Variants in DOP1B observed in about 807,000 individuals in gnomAD.
The protein encoded by DOP1B is DOP1 leucine zipper like protein B.
DOP1B carries 174 observed loss-of-function variants against 233.5 expected under a neutral mutation model. The ratio of observed to expected loss-of-function variants is 0.75; its 90% confidence interval spans 0.66 to 0.85. The LOEUF is 0.85. Ranked by LOEUF, DOP1B falls within the 40% of genes least tolerant of loss-of-function variation. The probability of loss-of-function intolerance (pLI) is 0.00; values close to 1 mark genes in which losing one functional copy is unlikely to be tolerated. For synonymous variants in DOP1B, 1,190 were observed against 1,185.6 expected, an observed-to-expected ratio of 1.00 and a Z score of -0.08; for missense variants, 2,652 against 2,846.6, an observed-to-expected ratio of 0.93 and a Z score of 1.56.
chr21:36,236,842 T>G (rs2066833548), intron 15 of DOP1B, among the ~76,000 whole-genome samples: 1 of 147,722 alleles, frequency 6.8e-6, no homozygotes, highest in South Asian at 2.2e-4. Flanking sequence ...AGTTGCATGA[T>G]CTCAGGATCT....
chr21:36,243,949 C>G (rs919260565), intron 18 of DOP1B, among the ~76,000 whole-genome samples: 1 of 151,602 alleles, frequency 6.6e-6, no homozygotes, highest in African/African-American at 2.4e-5. Context: ...AAACAATCCT[C>G]CTACCTTGGT....
intron 14 of DOP1B, 62 bp downstream of exon 14, chr21:36,231,196 G>T: frequency 6.6e-7 from 1 of 1,517,238 alleles, no homozygotes; most frequent in Non-Finnish European, 8.9e-7. Flanking sequence ...ATTGACGTGG[G>T]TGGAATATCC....
intron 3 of DOP1B, among the ~76,000 whole-genome samples, chr21:36,199,995 C>T (rs1306335551): frequency 6.6e-6 from 1 of 152,112 alleles, no homozygotes; most frequent in African/African-American, 2.4e-5. Context: ...AGTTCTAGAT[C>T]CTTGAGGAAT....
chr21:36,256,251 G>A (rs2067096138), intron 23 of DOP1B, among the ~76,000 whole-genome samples: 3 of 152,004 alleles, frequency 2.0e-5, no homozygotes, highest in Admixed American at 2.0e-4. Context: ...GACCAGCCTG[G>A]GCAATGTAGG....
intron 4 of DOP1B, among the ~76,000 whole-genome samples, chr21:36,207,955 CAG>C (rs1028448865): frequency 4.5e-4 from 68 of 152,292 alleles, no homozygotes; most frequent in Admixed American, 5.9e-4. Flanking sequence ...TGGTCAGCGT[CAG>C]GGGAAAAACG....
intron 2 of DOP1B, chr21:36,169,504 T>C: frequency 2.7e-6 from 3 of 1,119,194 alleles, no homozygotes; most frequent in Non-Finnish European, 4.0e-6. Context: ...CTTTGTAGCC[T>C]TTGCCCTTGG....
rs1432687395 is a variant in DOP1B, at chr21:36,194,485, C to CT, written c.139-4584dup. 3.6e-3 allele frequency among the ~76,000 whole-genome samples: 446 copies of CT among 124,544 alleles called. 9 individuals are homozygous for CT. Among genetic ancestry groups the CT allele is most frequent in the African/African-American group, 0.01 (351 of 34,972 alleles). 81.7% of individuals were successfully genotyped at this position (124,544 alleles called of 152,430 possible). A position where few individuals can be genotyped will look rare whatever the true frequency, so the allele number is the denominator to read the frequency against. ...GCTTTTGCTGCATTTCTCTCTCTCTCTCTTTTTTTTTTTTTTTTTGAGACA... is the reference window on the plus strand; with the variant it reads ...GCTTTTGCTGCATTTCTCTCTCTCTCTTCTTTTTTTTTTTTTTTTTGAGACA... On this transcript the variant is annotated intron_variant, in intron 2 of 36. Transcript: ENST00000691173.
chr21:36,172,962 TA>T (rs1447348170), intron 2 of DOP1B, among the ~76,000 whole-genome samples: 2 of 151,476 alleles, frequency 1.3e-5, no homozygotes, highest in Admixed American at 6.6e-5. Context: ...CTATTAAAAA[TA>T]AAAAAAATTA....
At chr21:36,158,086 A>G (rs746049371) in intron 1 of DOP1B, among the ~76,000 whole-genome samples, 20 of 152,164 alleles carry the variant, frequency 1.3e-4, no homozygotes, top group Non-Finnish European at 2.1e-4. Context: ...GGTATGAGCC[A>G]CAGTGCCCAA....
Position 36,158,073 on chromosome 21 carries a change from A to G in DOP1B, c.-27+1130A>G, listed in dbSNP as rs190560724. 1.9e-3 allele frequency among the ~76,000 whole-genome samples: 291 copies of G among 152,214 alleles called. 1 individual carries two copies. Among genetic ancestry groups the G allele is most frequent in the Admixed American group, 5.0e-3 (76 of 15,278 alleles). ...CTCGGCCTCTTAAAGTGCTGGGATT[A>G]CAGGTATGAGCCACAGTGCCCAACC... On this transcript the variant is annotated intron_variant, in intron 1 of 36. Transcript: ENST00000691173.
intron 2 of DOP1B, among the ~76,000 whole-genome samples, chr21:36,185,841 T>C (rs2066159194): frequency 6.6e-6 from 1 of 152,198 alleles, no homozygotes; most frequent in African/African-American, 2.4e-5. Context: ...AGGGGCAGCA[T>C]TTGCACATGT....
chr21:36,228,633 G>C (rs2066721026), intron 13 of DOP1B, among the ~76,000 whole-genome samples: 1 of 151,892 alleles, frequency 6.6e-6, no homozygotes, highest in Admixed American at 6.6e-5. Flanking sequence ...GGGTGCAGTG[G>C]CGGGCGCCTG....
chr21:36,201,117 T>A (rs1294035564), intron 4 of DOP1B, among the ~76,000 whole-genome samples: 2 of 152,086 alleles, frequency 1.3e-5, no homozygotes, highest in Non-Finnish European at 2.9e-5. Context: ...TCACCATGTG[T>A]GGAGGGAAGA....
At chr21:36,185,610 A>C (rs1164426347) in intron 2 of DOP1B, among the ~76,000 whole-genome samples, 1 of 152,086 alleles carries the variant, frequency 6.6e-6, no homozygotes, top group Non-Finnish European at 1.5e-5. Context: ...TGAAGCCCAC[A>C]CTCCAGGGTT....
At chr21:36,278,180 G>T in intron 29 of DOP1B, 29 bp from the exon 30 acceptor site, 1 of 1,613,588 alleles carries the variant, frequency 6.2e-7, no homozygotes, top group Admixed American at 1.7e-5. Flanking sequence ...CCTTGACCTT[G>T]ACCCTTCTCT....
chr21:36,289,331 T>C, intron 35 of DOP1B, 125 bp downstream of exon 35: 1 of 995,212 alleles, frequency 1.0e-6, no homozygotes. Context: ...TAGTGACAGC[T>C]AAGCCAGCTC....
Position 36,288,096 on chromosome 21 carries a change from A to G in DOP1B, c.6243A>G (p.Leu2081=), listed in dbSNP as rs747989604. Residue 2081 remains leucine (L), a synonymous_variant, in exon 33 of 37, where the codon CTA becomes CTG. Transcript: ENST00000691173. ...QMFLFFRVLL[L]RISPQHLTSL... ...TTCTTTTTTTCAGAGTTTTGCTGCT[A>G]AGAATATCTCCTCAACATTTGACTT... is the stretch of plus-strand genomic sequence containing the variant. The G allele has an allele frequency of 1.2e-6, 2 of 1,614,138 alleles. No homozygotes were observed. Among genetic ancestry groups the G allele is most frequent in the Middle Eastern group, 1.7e-4 (1 of 6,060 alleles).
At chr21:36,235,872 G>GGT (rs925238044) in intron 15 of DOP1B, among the ~76,000 whole-genome samples, 3 of 147,462 alleles carry the variant, frequency 2.0e-5, no homozygotes, top group Non-Finnish European at 4.5e-5. Flanking sequence ...TCGGGGGGGG[G>GGT]GCGGTCTACG....
intron 14 of DOP1B, 90 bp from the exon 15 acceptor site, chr21:36,232,714 C>G (rs2066781252): frequency 6.5e-7 from 1 of 1,548,926 alleles, no homozygotes; most frequent in Admixed American, 1.9e-5. Context: ...GGTAACTTCC[C>G]AGATCTAGGG....
Sources: gnomAD v4.1 joint callset for allele counts (sites outside exome capture counted in the v4.1 genomes callset) on GRCh38, gnomAD v4.1.1 for gene constraint, MANE v1.5 for transcripts, NCBI Gene and HGNC (gene_info 2026-07-23, HGNC 2026-07-21) for gene names.